KLHL31: variants seen among roughly 807,000 people sequenced by gnomAD.
KLHL31 encodes the protein kelch like family member 31.
A neutral mutation model predicts 47.1 loss-of-function variants in KLHL31; 32 were observed. That is an observed-to-expected ratio of 0.68 (90% CI 0.51 to 0.91). The LOEUF is 0.91. Among genes scored for constraint, KLHL31 ranks in the 40% least tolerant of loss-of-function variants. The pLI is 0.00. For missense variants in KLHL31, 797 were observed against 819.3 expected, an observed-to-expected ratio of 0.97 and a Z score of 0.33; for synonymous variants, 330 against 325.1, an observed-to-expected ratio of 1.01 and a Z score of -0.16.
intron 1 of KLHL31, among the ~76,000 whole-genome samples, chr6:53,657,641 T>TGTGG (rs1204448676): frequency 4.0e-5 from 6 of 151,468 alleles, no homozygotes; most frequent in Non-Finnish European, 8.9e-5. Context: ...TGTGTGTGTG[T>TGTGG]GTGTGTGTGT....
intron 2 of KLHL31, 37 bp from the exon 3 acceptor site, chr6:53,652,367 C>G: frequency 1.2e-6 from 2 of 1,608,722 alleles, no homozygotes; most frequent in South Asian, 1.1e-5. Flanking sequence ...GCTTTGTCGG[C>G]GGCAGCTGGG....
chr6:53,661,431 T>C (rs1764643897), intron 1 of KLHL31, among the ~76,000 whole-genome samples: 1 of 152,104 alleles, frequency 6.6e-6, no homozygotes, highest in Non-Finnish European at 1.5e-5. Flanking sequence ...ACACACAGCA[T>C]GCCACTTGAC....
Position 53,652,033 on chromosome 6 carries a change from G to T in KLHL31, c.1470C>A (p.Ser490Arg), listed in dbSNP as rs568970463. The change falls in exon 3 of 3, where the codon AGC becomes AGA. Residue 490 changes from serine (S) to arginine (R), a missense_variant. Transcript: ENST00000370905. ...GGTTCGGCAGCTCCTGCCACGAGTC[G>T]CTGGCCGGGTCGTAGGCGCACACAG... ...SRSVCAYDPA[S>R]DSWQELPNLS... The T allele has an allele frequency of 3.8e-6, 6 of 1,592,034 alleles. No homozygotes were observed. The highest frequency in any genetic ancestry group is 3.4e-5 in the Admixed American group (2 of 58,288).
intron 1 of KLHL31, among the ~76,000 whole-genome samples, chr6:53,659,427 G>A (rs980393668): frequency 6.6e-6 from 1 of 152,178 alleles, no homozygotes; most frequent in Non-Finnish European, 1.5e-5. Flanking sequence ...GGTTAGGTGA[G>A]CAAAACAAGA....
Position 53,654,695 on chromosome 6 carries a change from T to G in KLHL31, c.578A>C (p.Lys193Thr), listed in dbSNP as rs1210516778. ...SLKNAKAAAQ[K>T]FIRDNFLEFA... ...TTCAAGGAAGTTATCCCGAATAAAT[T>G]TCTGGGCTGCTGCTTTTGCATTTTT... The change falls in exon 2 of 3, where the codon AAA (lysine) becomes ACA (threonine). Residue 193 changes from lysine (K) to threonine (T), a missense_variant. Coordinates refer to ENST00000370905, the MANE Select transcript of KLHL31 (RefSeq NM_001003760.5). 2 of 1,614,174 alleles carry G rather than the reference T, an allele frequency of 1.2e-6. No individual in the cohort carries two copies. The highest frequency in any genetic ancestry group is 1.7e-6 in the Non-Finnish European group (2 of 1,180,016).
chr6:53,661,100 G>A (rs1232146713), intron 1 of KLHL31, among the ~76,000 whole-genome samples: 1 of 152,194 alleles, frequency 6.6e-6, no homozygotes, highest in Admixed American at 6.5e-5. Context: ...CTTCAGGGCT[G>A]CAGAGTTGTT....
rs375102972 is a variant in KLHL31 at position 53,654,219 on chromosome 6, G to T, written c.1054C>A (p.Pro352Thr). The T allele has an allele frequency of 6.8e-6, 11 of 1,614,144 alleles. No homozygotes were observed. The highest frequency in any genetic ancestry group is 3.3e-4 in the Middle Eastern group (2 of 6,062). Reference sequence around the variant, plus strand: ...ACACACTGATTAAAACTTTTGGCTGGCATTTCCGTAAGCTTGCTCCATCCA... The same window carrying T: ...ACACACTGATTAAAACTTTTGGCTGTCATTTCCGTAAGCTTGCTCCATCCA... ...ENGWSKLTEM[P>T]AKSFNQCVAV... The change falls in exon 2 of 3, where the codon CCA becomes ACA. Residue 352 changes from proline to threonine, a missense_variant. Transcript: ENST00000370905.
chr6:53,660,868 G>C (rs1764634242), intron 1 of KLHL31, among the ~76,000 whole-genome samples: 1 of 152,100 alleles, frequency 6.6e-6, no homozygotes, highest in Admixed American at 6.6e-5. Context: ...ACTTTCTTGT[G>C]GCCGAATTTT....
intron 2 of KLHL31, among the ~76,000 whole-genome samples, chr6:53,653,743 A>G (rs1003272191): frequency 3.9e-5 from 6 of 152,150 alleles, no homozygotes; most frequent in African/African-American, 1.2e-4. Flanking sequence ...ATTTGTATCT[A>G]ATTTCTATCA....
chr6:53,660,585 G>A (rs923015771), intron 1 of KLHL31, among the ~76,000 whole-genome samples: 2 of 152,090 alleles, frequency 1.3e-5, no homozygotes, highest in African/African-American at 2.4e-5. Flanking sequence ...AGGCCGAGGC[G>A]GGTGGATCAC....
intron 1 of KLHL31, among the ~76,000 whole-genome samples, chr6:53,661,560 T>A (rs1393369118): frequency 6.6e-6 from 1 of 152,216 alleles, no homozygotes; most frequent in Admixed American, 6.5e-5. Context: ...TGGAACAATT[T>A]AATTCACTTC....
chr6:53,648,301 A>C lies in KLHL31; in HGVS notation c.*3297T>G, dbSNP rs919496898. 1 of 152,228 alleles carries C rather than the reference A, an allele frequency of 6.6e-6. No homozygotes were observed. The highest frequency in any genetic ancestry group is 6.5e-5 in the Admixed American group (1 of 15,282). The allele number at this position is 152,228 out of a possible 1,614,324, so 9.4% of individuals were successfully genotyped here. On this transcript the variant is annotated 3_prime_UTR_variant, in exon 3 of 3. Transcript: ENST00000370905. The stretch of plus-strand genomic sequence containing the variant: ...CTGCCTTGTGCTGGAGAACATATTC[A>C]TCAGCGGCTGGAATAGGGATGTAGT...
chr6:53,663,375 TG>T (rs1273514929), intron 1 of KLHL31, among the ~76,000 whole-genome samples: 5 of 152,212 alleles, frequency 3.3e-5, no homozygotes, highest in Non-Finnish European at 7.3e-5. Flanking sequence ...TAAATTTGTT[TG>T]GGGACACATC....
rs1764439383 is a variant in KLHL31 at position 53,649,788 on chromosome 6, G to T, written c.*1810C>A. On this transcript the variant is annotated 3_prime_UTR_variant, in exon 3 of 3. Transcript: ENST00000370905. ...AGGCTTCTCAGTTGTATGAGTGTGT[G>T]CGTATACACACATATACATACACCA... 1 of 152,120 alleles carries T rather than the reference G, an allele frequency of 6.6e-6. No individual in the cohort carries two copies. The highest frequency in any genetic ancestry group is 1.5e-5 in the Non-Finnish European group (1 of 68,010). The allele number at this position is 152,120 out of a possible 1,614,324, so 9.4% of individuals were successfully genotyped here.
At chr6:53,661,020 C>T (rs1166029398) in intron 1 of KLHL31, among the ~76,000 whole-genome samples, 1 of 152,186 alleles carries the variant, frequency 6.6e-6, no homozygotes, top group Non-Finnish European at 1.5e-5. Flanking sequence ...AAGGACACTG[C>T]TGCAGATCCT....
chr6:53,654,830 A>ACAG lies in KLHL31; in HGVS notation c.440_442dup (p.Ala147dup). 1 of 1,614,178 alleles carries ACAG rather than the reference A, an allele frequency of 6.2e-7. No individual in the cohort carries two copies. The highest frequency in any genetic ancestry group is 2.2e-5 in the East Asian group (1 of 44,886). ...TACAAGAGTATGGATCTGAAGATAA[A>ACAG]CAGCAGCAGAAATAATGCTTCCTAT... On this transcript the variant is annotated inframe_insertion, in exon 2 of 3. Coordinates refer to ENST00000370905, the MANE Select transcript of KLHL31 (RefSeq NM_001003760.5).
intron 1 of KLHL31, among the ~76,000 whole-genome samples, chr6:53,660,972 C>T (rs894592006): frequency 6.6e-6 from 1 of 152,190 alleles, no homozygotes; most frequent in Non-Finnish European, 1.5e-5. Context: ...TCCATCTACC[C>T]ACCCAAGTGT....
At chr6:53,661,819 A>G (rs1561987189) in intron 1 of KLHL31, among the ~76,000 whole-genome samples, 1 of 152,224 alleles carries the variant, frequency 6.6e-6, no homozygotes, top group Non-Finnish European at 1.5e-5. Flanking sequence ...GCTGTGAGGA[A>G]GAGGTGTTAC....
rs1159910974 is a variant in KLHL31 at position 53,649,300 on chromosome 6, C to T, written c.*2298G>A. The T allele has an allele frequency of 6.6e-6, 1 of 152,140 alleles. No individual in the cohort carries two copies. The highest frequency in any genetic ancestry group is 2.4e-5 in the African/African-American group (1 of 41,458). The allele number at this position is 152,140 out of a possible 1,614,324, so 9.4% of individuals were successfully genotyped here. ...GTCAGAAATTCTGACATTCCAAATT[C>T]ATATTGGTCTTTATTTTCCTAACTG... On this transcript the variant is annotated 3_prime_UTR_variant, in exon 3 of 3. Transcript: ENST00000370905.
Sources: allele counts gnomAD v4.1 joint callset (sites outside exome capture counted in the v4.1 genomes callset), GRCh38; gene constraint gnomAD v4.1.1; transcripts MANE v1.5; gene names NCBI Gene and HGNC (gene_info 2026-07-23, HGNC 2026-07-21).